The following BRINP3 variants were observed in gnomAD, a reference collection of about 807,000 sequenced individuals.
BRINP3 encodes the protein BMP/retinoic acid inducible neural specific 3, also known as BMP/retinoic acid-inducible neural-specific protein 3.
In BRINP3, 19 loss-of-function variants were observed where a neutral mutation model predicts 71.0. The ratio of observed to expected loss-of-function variants is 0.27; its 90% CI spans 0.19 to 0.39. The LOEUF (loss-of-function observed/expected upper bound fraction) is 0.39. Among genes scored for constraint, BRINP3 ranks in the 10% least tolerant of loss-of-function variants. The probability of loss-of-function intolerance (pLI) is 1.00; values close to 1 mark genes in which losing one functional copy is unlikely to be tolerated. For synonymous variants in BRINP3, 380 were observed against 337.7 expected, an observed-to-expected ratio of 1.13 and a Z score of -1.37; for missense variants, 959 against 940.8, an observed-to-expected ratio of 1.02 and a Z score of -0.25.
chr1:190,221,695 C>T (rs1414380085), intron 6 of BRINP3, among the ~76,000 whole-genome samples: 1 of 151,978 alleles, frequency 6.6e-6, no homozygotes, highest in Non-Finnish European at 1.5e-5. Context: ...GAAAGATACA[C>T]ATAGACTGAG....
intron 7 of BRINP3, among the ~76,000 whole-genome samples, chr1:190,109,325 A>G (rs989939141): frequency 6.6e-6 from 1 of 152,236 alleles, no homozygotes; most frequent in Admixed American, 6.5e-5. Flanking sequence ...AAAATCATAC[A>G]TAATTATCAA....
chr1:190,305,734 G>C lies in BRINP3; in HGVS notation c.237-23984C>G, dbSNP rs909007550. Among the ~76,000 whole-genome samples, 81 of 151,592 alleles carry C rather than the reference G, an allele frequency of 5.3e-4. 1 individual carries two copies. The highest frequency in any genetic ancestry group is 3.4e-3 in the Middle Eastern group (1 of 292). On this transcript the variant is annotated intron_variant, in intron 2 of 7. Transcript: ENST00000367462. ...GATATTTTGAAATATACAGATATTT[G>C]TAAATATAAACATATTTTGAAATAT... is the stretch of plus-strand genomic sequence containing the variant.
At chr1:190,388,274 A>G (rs1050945199) in intron 2 of BRINP3, among the ~76,000 whole-genome samples, 1 of 151,786 alleles carries the variant, frequency 6.6e-6, no homozygotes, top group African/African-American at 2.4e-5. Context: ...GCAATCAGTC[A>G]ATCTGTTAAT....
chr1:190,135,650 T>C (rs1325446656), intron 7 of BRINP3, among the ~76,000 whole-genome samples: 2 of 152,116 alleles, frequency 1.3e-5, no homozygotes, highest in Non-Finnish European at 2.9e-5. Context: ...GACTCCCTGA[T>C]TTCTGGTAAT....
chr1:190,381,303 A>AC (rs879571762), intron 2 of BRINP3, among the ~76,000 whole-genome samples: 4,608 of 152,214 alleles, frequency 0.03, 118 homozygotes, highest in Non-Finnish European at 0.04. Context: ...ACAAAACAAA[A>AC]AAACACCGAC....
chr1:190,140,121 A>G (rs1376526647), intron 7 of BRINP3, among the ~76,000 whole-genome samples: 1 of 152,184 alleles, frequency 6.6e-6, no homozygotes, highest in African/African-American at 2.4e-5. Context: ...GGTTAAAAAT[A>G]TTTTAGGAAA....
intron 7 of BRINP3, among the ~76,000 whole-genome samples, chr1:190,143,136 G>T (rs1479742121): frequency 6.6e-6 from 1 of 152,130 alleles, no homozygotes; most frequent in Non-Finnish European, 1.5e-5. Context: ...TCAGCTTGGA[G>T]TGGAGGAAAA....
intron 2 of BRINP3, among the ~76,000 whole-genome samples, chr1:190,401,923 T>C (rs1671953884): frequency 6.6e-6 from 1 of 151,942 alleles, no homozygotes; most frequent in African/African-American, 2.4e-5. Flanking sequence ...TATTCTTCAA[T>C]TAGCAACTAT....
At chr1:190,328,293 C>T (rs908641656) in intron 2 of BRINP3, among the ~76,000 whole-genome samples, 1 of 152,104 alleles carries the variant, frequency 6.6e-6, no homozygotes. Flanking sequence ...GGATAAGCAA[C>T]ATAAACAGAC....
At chr1:190,221,134 C>T (rs766573372) in intron 6 of BRINP3, among the ~76,000 whole-genome samples, 1 of 152,082 alleles carries the variant, frequency 6.6e-6, no homozygotes, top group African/African-American at 2.4e-5. Flanking sequence ...AAGAGAATCG[C>T]TTGAACCCGG....
intron 2 of BRINP3, among the ~76,000 whole-genome samples, chr1:190,331,475 T>C (rs1018444828): frequency 2.0e-5 from 3 of 152,018 alleles, no homozygotes; most frequent in Admixed American, 2.0e-4. Context: ...ATGCAGTGTA[T>C]GGTAGAGTCT....
At position 190,215,836 on chromosome 1, in the gene BRINP3, C is replaced by T. The variant is rs1656365542; in HGVS notation, c.961+10246G>A. ...CATATGTTGACAGCATACAATACAC[C>T]TTAGATATTCTATATGCCAAGTGGT... On this transcript the variant is annotated intron_variant, in intron 6 of 7. Coordinates refer to ENST00000367462, the MANE Select transcript of BRINP3 (RefSeq NM_199051.3). 2.6e-5 allele frequency among the ~76,000 whole-genome samples: 4 copies of T among 151,814 alleles called. No homozygotes were observed. In the South Asian group the frequency reaches 8.3e-4, roughly 31 times the overall value.
chr1:190,362,427 G>T (rs1045107204), intron 2 of BRINP3, among the ~76,000 whole-genome samples: 2 of 152,228 alleles, frequency 1.3e-5, no homozygotes, highest in South Asian at 4.1e-4. Flanking sequence ...ATCTTAAATG[G>T]TAAGAATTCA....
chr1:190,247,706 C>T (rs1185863950), intron 4 of BRINP3, among the ~76,000 whole-genome samples: 1 of 151,682 alleles, frequency 6.6e-6, no homozygotes, highest in Non-Finnish European at 1.5e-5. Flanking sequence ...TCAGGAATTC[C>T]TTTTTTCTTT....
At position 190,312,229 on chromosome 1, in the gene BRINP3, TA is replaced by T. The variant is rs201327525; in HGVS notation, c.237-30480del. ...ATTTATGTTATTGCAAAGTTCAATA[TA>T]AAAAACTCCTAAAATTCTTACATAG... On this transcript the variant is annotated intron_variant, in intron 2 of 7. Coordinates refer to ENST00000367462, the MANE Select transcript of BRINP3 (RefSeq NM_199051.3). 6.6e-3 allele frequency among the ~76,000 whole-genome samples: 992 copies of T among 151,002 alleles called. 5 individuals carry two copies. Among genetic ancestry groups the T allele is most frequent in the African/African-American group, 0.021 (883 of 41,372 alleles).
intron 6 of BRINP3, among the ~76,000 whole-genome samples, chr1:190,162,269 C>G (rs1651064394): frequency 2.0e-5 from 3 of 150,934 alleles, no homozygotes; most frequent in Admixed American, 2.0e-4. Flanking sequence ...CGGTTCACTG[C>G]AACCTCCACA....
intron 7 of BRINP3, among the ~76,000 whole-genome samples, chr1:190,103,327 CAG>C (rs1249844857): frequency 6.6e-6 from 1 of 152,084 alleles, no homozygotes; most frequent in African/African-American, 2.4e-5. Flanking sequence ...CCACCTACGA[CAG>C]AGTCTTACAC....
chr1:190,422,105 T>C (rs990182718), intron 2 of BRINP3, among the ~76,000 whole-genome samples: 1 of 151,772 alleles, frequency 6.6e-6, no homozygotes, highest in African/African-American at 2.4e-5. Flanking sequence ...GGATAATTCT[T>C]TAACATTTTT....
intron 2 of BRINP3, among the ~76,000 whole-genome samples, chr1:190,327,979 T>C (rs1666722458): frequency 6.6e-6 from 1 of 152,006 alleles, no homozygotes; most frequent in African/African-American, 2.4e-5. Context: ...CAGAAATCAA[T>C]ACCAAGAAGA....
Sources: gnomAD v4.1 joint callset for allele counts (sites outside exome capture counted in the v4.1 genomes callset) on GRCh38, gnomAD v4.1.1 for gene constraint, MANE v1.5 for transcripts, NCBI Gene and HGNC (gene_info 2026-07-23, HGNC 2026-07-21) for gene names.